FRMPD2: variants seen among roughly 807,000 people sequenced by gnomAD.
FRMPD2 encodes the protein FERM and PDZ domain-containing protein 2.
A neutral mutation model predicts 140.1 loss-of-function variants in FRMPD2; 96 were observed. The ratio of observed to expected loss-of-function variants is 0.69; its 90% CI spans 0.58 to 0.81. The LOEUF is 0.81. Among genes scored for constraint, FRMPD2 ranks in the 40% least tolerant of loss-of-function variants. The pLI is 0.00. For synonymous variants in FRMPD2, 449 were observed against 547.6 expected (o/e 0.82, Z 2.52); for missense variants, 1,240 against 1,447.4 (o/e 0.86, Z 2.32).
intron 13 of FRMPD2, among the ~76,000 whole-genome samples, chr10:48,207,233 C>T (rs897020922): frequency 6.7e-6 from 1 of 150,294 alleles, no homozygotes; most frequent in Non-Finnish European, 1.5e-5. Flanking sequence ...TAACACAGTA[C>T]AATAATAATA....
chr10:48,243,681 G>A lies in FRMPD2; in HGVS notation c.375+1103C>T, dbSNP rs768666123. Among the ~76,000 whole-genome samples the A allele has an allele frequency of 1.1e-4, 17 of 152,278 alleles. No homozygotes were observed. In the South Asian group the frequency reaches 1.7e-3, roughly 15 times the overall value. ...CTGAGAAGTCAGAAGGCAACCCCAC[G>A]GCCAGTGAGGCGTTACAAAAGGTTG... On this transcript the variant is annotated intron_variant, in intron 4 of 28. Coordinates refer to ENST00000374201, the MANE Select transcript of FRMPD2 (RefSeq NM_001018071.4).
At chr10:48,221,871 TG>T (rs1214022718) in intron 12 of FRMPD2, among the ~76,000 whole-genome samples, 3 of 151,668 alleles carry the variant, frequency 2.0e-5, no homozygotes, top group Admixed American at 1.3e-4. Flanking sequence ...GGTAGATGGA[TG>T]GGTGGATGGA....
chr10:48,241,197 G>A (rs1840097454), intron 5 of FRMPD2, among the ~76,000 whole-genome samples: 4 of 152,100 alleles, frequency 2.6e-5, no homozygotes, highest in Admixed American at 2.0e-4. Flanking sequence ...TTCTCTGATG[G>A]CAGAGGCCTT....
chr10:48,194,075 G>T (rs922405870), intron 15 of FRMPD2, among the ~76,000 whole-genome samples: 5 of 152,210 alleles, frequency 3.3e-5, no homozygotes, highest in Admixed American at 6.5e-5. Context: ...GCTTGGGCTT[G>T]CTCAGAAACA....
At chr10:48,224,658 C>A (rs1839683591) in intron 10 of FRMPD2, among the ~76,000 whole-genome samples, 1 of 152,278 alleles carries the variant, frequency 6.6e-6, no homozygotes, top group South Asian at 2.1e-4. Flanking sequence ...GGTCTATATC[C>A]AAACCCTAGA....
chr10:48,264,919 A>T (rs890599871), intron 1 of FRMPD2, among the ~76,000 whole-genome samples: 4 of 152,162 alleles, frequency 2.6e-5, no homozygotes, highest in African/African-American at 9.6e-5. Context: ...AATCCTATAC[A>T]AAAAGAACAA....
chr10:48,251,747 G>A, intron 1 of FRMPD2, 56 bp from the exon 2 acceptor site: 1 of 1,600,980 alleles, frequency 6.2e-7, no homozygotes, highest in Non-Finnish European at 8.5e-7. Context: ...AACATGTCCG[G>A]GCCCGTACTC....
At chr10:48,248,769 G>T in intron 3 of FRMPD2, 1 of 315,144 alleles carries the variant, frequency 3.2e-6, no homozygotes, top group Non-Finnish European at 5.8e-6. Context: ...ATAATAACCT[G>T]ATCAATTAAG....
chr10:48,190,315 T>TA (rs2131845548), intron 16 of FRMPD2, among the ~76,000 whole-genome samples: 1 of 152,138 alleles, frequency 6.6e-6, no homozygotes, highest in East Asian at 1.9e-4. Context: ...CCCCCACTAT[T>TA]CCCACCTTAC....
At chr10:48,211,855 G>T (rs1839329576) in intron 13 of FRMPD2, 99 bp downstream of exon 13, 4 of 1,181,566 alleles carry the variant, frequency 3.4e-6, no homozygotes, top group Non-Finnish European at 4.7e-6. Flanking sequence ...CTCCTTGTGG[G>T]TCTGCACACA....
intron 12 of FRMPD2, 97 bp from the exon 13 acceptor site, chr10:48,212,206 G>A (rs923936856): frequency 4.7e-6 from 6 of 1,267,954 alleles, no homozygotes; most frequent in East Asian, 2.4e-5. Flanking sequence ...AATTCCAGGA[G>A]GGCGCCAGAG....
chr10:48,243,718 G>GGTC (rs1488542373), intron 4 of FRMPD2, among the ~76,000 whole-genome samples: 1 of 152,156 alleles, frequency 6.6e-6, no homozygotes, highest in Non-Finnish European at 1.5e-5. Flanking sequence ...ATGTGAGAGT[G>GGTC]GTCGTGAGCT....
At chr10:48,274,237 A>T (rs1406385197) in intron 1 of FRMPD2, among the ~76,000 whole-genome samples, 1 of 152,216 alleles carries the variant, frequency 6.6e-6, no homozygotes, top group Non-Finnish European at 1.5e-5. Context: ...GGAAAGTTAA[A>T]AGAGTCATTT....
In FRMPD2 at chr10:48,178,109, C is replaced by T. The variant is rs782389542; in HGVS notation, c.2833G>A (p.Ala945Thr). ...SCPPSPPEIS[A>T]GEIYFVELVK... ...AGTTCCACAAAGTAGATTTCACCAGCACTGATTTCTGGAGGTGATGGAGGA... is the reference window on the plus strand; with the variant it reads ...AGTTCCACAAAGTAGATTTCACCAGTACTGATTTCTGGAGGTGATGGAGGA... Residue 945 changes from alanine to threonine, a missense_variant, in exon 22 of 29, where the codon GCT (alanine) becomes ACT (threonine). Physicochemically the swap from Ala to Thr is moderately conservative, Grantham distance 58. This residue lies in a region of FRMPD2 where 25 missense variants were observed against 41.5 expected (regional missense o/e 0.60). Transcript: ENST00000374201. 6.9e-6 allele frequency: 11 copies of T among 1,596,108 alleles called. No individual in the cohort carries two copies. Among genetic ancestry groups the T allele is most frequent in the African/African-American group, 2.7e-5 (2 of 74,384 alleles).
At chr10:48,190,666 C>A (rs771246420) in intron 16 of FRMPD2, among the ~76,000 whole-genome samples, 1 of 152,210 alleles carries the variant, frequency 6.6e-6, no homozygotes, top group Non-Finnish European at 1.5e-5. Context: ...CCTTTTCACC[C>A]ACGGGTTACT....
At chr10:48,192,922 T>C (rs1554793805) in intron 15 of FRMPD2, 28 bp from the exon 16 acceptor site, 1 of 1,511,458 alleles carries the variant, frequency 6.6e-7, no homozygotes, top group Non-Finnish European at 9.2e-7. Flanking sequence ...AACATAGACA[T>C]ACACACACAC....
Position 48,237,994 on chromosome 10 carries a change from G to T in FRMPD2, c.918C>A (p.Ser306Arg), listed in dbSNP as rs1588847418. The T allele has an allele frequency of 6.2e-7, 1 of 1,614,118 alleles. No homozygotes were observed. The highest frequency in any genetic ancestry group is 8.5e-7 in the Non-Finnish European group (1 of 1,180,022). Residue 306 changes from serine (S) to arginine (R), a missense_variant, in exon 8 of 29, where the codon AGC becomes AGA. Physicochemically the swap from Ser to Arg is moderately radical, Grantham distance 110 (BLOSUM62 -1). Coordinates refer to ENST00000374201, the MANE Select transcript of FRMPD2 (RefSeq NM_001018071.4). ...PSQRGFLQRR[S>R]KFSRPEFILL... is the part of the protein sequence containing the mutation. ...CCTTCAGCCTTATTTTGCTTACCTT[G>T]CTCCTTCTTTGCAGAAAACCCCTCT...
chr10:48,203,524 C>G (rs1461627689), intron 14 of FRMPD2, among the ~76,000 whole-genome samples: 1 of 152,268 alleles, frequency 6.6e-6, no homozygotes, highest in East Asian at 1.9e-4. Context: ...CGCCATTACT[C>G]TTGCACCCAC....
At chr10:48,234,442 G>T (rs1171853987) in intron 9 of FRMPD2, among the ~76,000 whole-genome samples, 1 of 152,118 alleles carries the variant, frequency 6.6e-6, no homozygotes, top group Non-Finnish European at 1.5e-5. Context: ...TGCTGTAAGG[G>T]GAATCTGTTT....
Sources: gnomAD v4.1 joint callset for allele counts (sites outside exome capture counted in the v4.1 genomes callset) on GRCh38, gnomAD v4.1.1 for gene constraint, gnomAD v4.1.1 regional missense constraint, MANE v1.5 for transcripts, NCBI Gene and HGNC (gene_info 2026-07-23, HGNC 2026-07-21) for gene names.